Variants in KDM5A observed in about 807,000 individuals in gnomAD.
The protein encoded by KDM5A is lysine-specific demethylase 5A.
Under a neutral mutation model 193.5 loss-of-function variants are expected in KDM5A, and 42 were observed. That is an observed-to-expected ratio of 0.22 (90% confidence interval 0.17 to 0.28). The LOEUF (loss-of-function observed/expected upper bound fraction) is 0.28, where lower values mean the gene tolerates loss of function less well. Ranked by LOEUF, KDM5A falls within the 10% of genes least tolerant of loss-of-function variation. The pLI, the probability that KDM5A is intolerant of heterozygous loss-of-function variation, is 1.00. For synonymous variants in KDM5A, 796 were observed against 718.1 expected, an observed-to-expected ratio of 1.11 and a Z score of -1.73; for missense variants, 1,692 against 2,055.1, an observed-to-expected ratio of 0.82 and a Z score of 3.42.
rs1055247336 is a variant in KDM5A at position 283,944 on chromosome 12, C to G, written c.*1512G>C. ...ACACAGCACCATAGTTTCAAACATT[C>G]ACACACAAAAGAAAAAAGAGCCAGC... On this transcript the variant is annotated 3_prime_UTR_variant, in exon 28 of 28. Coordinates refer to ENST00000399788, the MANE Select transcript of KDM5A (RefSeq NM_001042603.3). The G allele has an allele frequency of 1.7e-5, 4 of 233,258 alleles. No individual in the cohort carries two copies. Among genetic ancestry groups the G allele is most frequent in the Admixed American group, 1.7e-4 (3 of 17,752 alleles). 14.4% of individuals were successfully genotyped at this position (233,258 alleles called of 1,614,324 possible).
At chr12:290,788 A>AT (rs1477045362) in intron 27 of KDM5A, among the ~76,000 whole-genome samples, 1 of 152,236 alleles carries the variant, frequency 6.6e-6, no homozygotes, top group Non-Finnish European at 1.5e-5. Context: ...ACTGAATCCT[A>AT]TTTAAATGCT....
At chr12:345,064 G>A (rs1046000958) in intron 10 of KDM5A, among the ~76,000 whole-genome samples, 14 of 151,918 alleles carry the variant, frequency 9.2e-5, no homozygotes, top group South Asian at 2.1e-4. Context: ...ATAAAGGGAC[G>A]GAGGAAGATC....
intron 2 of KDM5A, among the ~76,000 whole-genome samples, chr12:384,505 T>G (rs978334998): frequency 6.6e-6 from 1 of 152,132 alleles, no homozygotes; most frequent in African/African-American, 2.4e-5. Context: ...GCCAAAAAGG[T>G]TTGGGACAGC....
Position 307,675 on chromosome 12 carries a change from G to A in KDM5A, c.3709C>T (p.Pro1237Ser), listed in dbSNP as rs1427875930. ...GCCTCTCCTTCAGGCAACCGTACGG[G>A]CAACTTCTGAAGGGATACCAGGAGT... Reference protein sequence around the residue: ...LSLLVSLQKLPVRLPEGEALQ... With the variant: ...LSLLVSLQKLSVRLPEGEALQ... Residue 1237 changes from proline to serine, a missense_variant, in exon 23 of 28, where the codon CCC becomes TCC. By Grantham distance (74) the Pro-to-Ser change is moderately conservative. Coordinates refer to ENST00000399788, the MANE Select transcript of KDM5A (RefSeq NM_001042603.3). The surrounding 1 kb of genome is among the most constrained non-coding windows in gnomAD (Gnocchi z 4.3). 1.2e-6 allele frequency: 2 copies of A among 1,614,152 alleles called. No homozygotes were observed. The highest frequency in any genetic ancestry group is 2.2e-5 in the East Asian group (1 of 44,878).
At position 389,020 on chromosome 12, in the gene KDM5A, C is replaced by G. The variant is rs189132628; in HGVS notation, c.72G>C (p.Pro24=). ...VPPPECPVFE[P]SWEEFTDPLS... ...GCGGATCTGTGAACTCCTCCCAACT[C>G]GGCTCAAAGACGGGGCACTCTGGCG... is the stretch of plus-strand genomic sequence containing the variant. Residue 24 remains proline (P), a synonymous_variant, in exon 1 of 28, where the codon CCG becomes CCC. Coordinates refer to ENST00000399788, the MANE Select transcript of KDM5A (RefSeq NM_001042603.3). The G allele has an allele frequency of 3.3e-4, 526 of 1,613,394 alleles. 2 individuals carry two copies. The African/African-American group carries it at 6.2e-3, about 19-fold the overall frequency.
chr12:308,302 A>G (rs1943538941), intron 22 of KDM5A, among the ~76,000 whole-genome samples: 1 of 152,172 alleles, frequency 6.6e-6, no homozygotes, highest in African/African-American at 2.4e-5. Context: ...TTGTACTTTT[A>G]GACTGTTAAT....
chr12:311,438 G>A (rs1471731509), intron 20 of KDM5A, among the ~76,000 whole-genome samples: 1 of 151,544 alleles, frequency 6.6e-6, no homozygotes, highest in East Asian at 2.0e-4. Flanking sequence ...GAGGTCAGGA[G>A]CTCGAGACCA....
At position 296,117 on chromosome 12, in the gene KDM5A, G is replaced by A. The variant is rs542210464; in HGVS notation, c.4235-324C>T. On this transcript the variant is annotated intron_variant, in intron 25 of 27. Transcript: ENST00000399788. Reference sequence around the variant, plus strand: ...GTGGATCACCTGAGGTCAGGAGTTCGAAACCAGCCTGACCAACATAGTGAA... The same window carrying A: ...GTGGATCACCTGAGGTCAGGAGTTCAAAACCAGCCTGACCAACATAGTGAA... 5.3e-5 allele frequency among the ~76,000 whole-genome samples: 8 copies of A among 152,060 alleles called. No individual in the cohort carries two copies. In the East Asian group the frequency reaches 9.7e-4, roughly 18 times the overall value.
At position 289,907 on chromosome 12, in the gene KDM5A, C is replaced by CTT. The variant is rs750918968; in HGVS notation, c.4866+2850_4866+2851dup. Among the ~76,000 whole-genome samples, 538 of 99,620 alleles carry CTT rather than the reference C, an allele frequency of 5.4e-3. 17 individuals are homozygous for CTT. The highest frequency in any genetic ancestry group is 0.038 in the East Asian group (85 of 2,248). 65.4% of individuals were successfully genotyped at this position (99,620 alleles called of 152,430 possible). A position where few individuals can be genotyped will look rare whatever the true frequency, so the allele number is the denominator to read the frequency against. ...AAAAAGCATGATTTTTTCTTTCTTTCTTTTTTTTTTTTTTTTTTTTTTTAC... is the reference window on the plus strand; with the variant it reads ...AAAAAGCATGATTTTTTCTTTCTTTCTTTTTTTTTTTTTTTTTTTTTTTTTAC... On this transcript the variant is annotated intron_variant, in intron 27 of 27. Transcript: ENST00000399788.
chr12:312,724 G>A (rs1295656896), intron 20 of KDM5A, among the ~76,000 whole-genome samples: 1 of 152,112 alleles, frequency 6.6e-6, no homozygotes, highest in Non-Finnish European at 1.5e-5. Flanking sequence ...ACGAAACACA[G>A]CTTAGCCTAG....
At position 385,982 on chromosome 12, in the gene KDM5A, G is replaced by C. The variant is rs535089729; in HGVS notation, c.166-8C>G. 6.2e-7 allele frequency: 1 copy of C among 1,610,280 alleles called. No homozygotes were observed. The highest frequency in any genetic ancestry group is 1.3e-5 in the African/African-American group (1 of 74,824). ...AAATGGAGGCTGCCAGTCCTAAATA[G>C]AAAGATTTTTTTAAAAAAACACAGT... On this transcript the variant is annotated splice_region_variant and splice_polypyrimidine_tract_variant and intron_variant, in intron 1 of 27. Coordinates refer to ENST00000399788, the MANE Select transcript of KDM5A (RefSeq NM_001042603.3).
rs570291421 is a variant in KDM5A at position 367,703 on chromosome 12, G to A, written c.367-1599C>T. ...GACAGTAGAGTGAGACTCCATCTCC[G>A]AAAAAAAAAAATTAACCAGGCAGGT... On this transcript the variant is annotated intron_variant, in intron 3 of 27. Coordinates refer to ENST00000399788, the MANE Select transcript of KDM5A (RefSeq NM_001042603.3). Among the ~76,000 whole-genome samples, 177 of 144,122 alleles carry A rather than the reference G, an allele frequency of 1.2e-3. 1 individual carries two copies. The highest frequency in any genetic ancestry group is 2.2e-3 in the Non-Finnish European group (142 of 65,220). 94.5% of individuals were successfully genotyped at this position (144,122 alleles called of 152,430 possible). A position where few individuals can be genotyped will look rare whatever the true frequency, so the allele number is the denominator to read the frequency against.
chr12:370,122 G>C (rs3782852), intron 3 of KDM5A, among the ~76,000 whole-genome samples: 107,141 of 152,220 alleles, frequency 0.7, 37,927 homozygotes, highest in Middle Eastern at 0.78. Context: ...GCCAGGCATA[G>C]TGGCTCATGC....
chr12:344,311 G>T (rs1473520389), intron 10 of KDM5A, among the ~76,000 whole-genome samples: 3 of 152,182 alleles, frequency 2.0e-5, no homozygotes, highest in African/African-American at 7.2e-5. Flanking sequence ...TAAAGTGATG[G>T]GGAGGATGAA....
In KDM5A at chr12:374,602, T is replaced by C. The variant is rs376349655; in HGVS notation, c.367-8498A>G. ...AAGGTTAATACTGTTATGTGTGAAT[T>C]TGATCCTGTCATTATGATGTTAGCT... On this transcript the variant is annotated intron_variant, in intron 3 of 27. Coordinates refer to ENST00000399788, the MANE Select transcript of KDM5A (RefSeq NM_001042603.3). Among the ~76,000 whole-genome samples, 34 of 152,354 alleles carry C rather than the reference T, an allele frequency of 2.2e-4. 1 individual carries two copies. The South Asian group carries it at 5.8e-3, about 26-fold the overall frequency.
In KDM5A at chr12:318,409, A is replaced by C. The variant is rs11062385; in HGVS notation, c.2594T>G (p.Met865Arg). The change falls in exon 19 of 28, where the codon ATG (methionine) becomes AGG (arginine). Residue 865 changes from methionine to arginine, a missense_variant. Coordinates refer to ENST00000399788, the MANE Select transcript of KDM5A (RefSeq NM_001042603.3). ...EFHERAQEAM[M>R]DETPDSSKLQ... ...TTTGGAAGAATCTGGGGTTTCATCCATCATGGCCTCCTGAGCACGTTCATG... is the reference window on the plus strand; with the variant it reads ...TTTGGAAGAATCTGGGGTTTCATCCCTCATGGCCTCCTGAGCACGTTCATG... 6 of 1,613,844 alleles carry C rather than the reference A, an allele frequency of 3.7e-6. No homozygotes were observed. The Admixed American group carries it at 1.0e-4, about 27-fold the overall frequency.
chr12:341,165 C>A (rs941210941), intron 10 of KDM5A, among the ~76,000 whole-genome samples: 1 of 152,032 alleles, frequency 6.6e-6, no homozygotes, highest in Admixed American at 6.5e-5. Context: ...CAGAAAAAGG[C>A]AAAAGCTAAA....
In KDM5A at chr12:285,424, T is replaced by TC. The variant is rs763930439; in HGVS notation, c.*31dup. ...GACTAAGGTCTCAATGTGGTCCATG[T>TC]CCCCCCATGTCCCAAACTAACCAAG... On this transcript the variant is annotated 3_prime_UTR_variant, in exon 28 of 28. Coordinates refer to ENST00000399788, the MANE Select transcript of KDM5A (RefSeq NM_001042603.3). 6.3e-7 allele frequency: 1 copy of TC among 1,575,038 alleles called. No individual in the cohort carries two copies. The highest frequency in any genetic ancestry group is 1.7e-5 in the Admixed American group (1 of 59,856).
rs147224191 is a variant in KDM5A, at chr12:324,516, A to G, written c.1969-735T>C. ...CAAAGAAGTATAAAGTAAATTGTGC[A>G]AATTAAAATATAATATCAGCATGAC... On this transcript the variant is annotated intron_variant, in intron 14 of 27. Transcript: ENST00000399788. Among the ~76,000 whole-genome samples the G allele has an allele frequency of 1.5e-3, 235 of 152,358 alleles. 5 individuals carry two copies. The East Asian group carries it at 0.041, about 27-fold the overall frequency.
Sources: allele counts gnomAD v4.1 joint callset (sites outside exome capture counted in the v4.1 genomes callset), GRCh38; gene constraint gnomAD v4.1.1; non-coding constraint Gnocchi (gnomAD v3.1); transcripts MANE v1.5; gene names NCBI Gene and HGNC (gene_info 2026-07-23, HGNC 2026-07-21).